The following NSG1 variants were observed in gnomAD, a reference collection of about 807,000 sequenced individuals.
The protein encoded by NSG1 is neuronal vesicle trafficking-associated protein 1.
In NSG1, 9 loss-of-function variants were observed where a neutral mutation model predicts 19.3. That is an observed-to-expected ratio of 0.47 (90% CI 0.28 to 0.81). The LOEUF is 0.81. Ranked by LOEUF, NSG1 falls within the 40% of genes least tolerant of loss-of-function variation. The pLI, the probability that NSG1 is intolerant of heterozygous loss-of-function variation, is 0.11. For missense variants in NSG1, 236 were observed against 242.4 expected, an observed-to-expected ratio of 0.97 and a Z score of 0.18; for synonymous variants, 104 against 107.0, an observed-to-expected ratio of 0.97 and a Z score of 0.17.
chr4:4,405,255 G>C (rs146388654), intron 3 of NSG1, among the ~76,000 whole-genome samples: 1 of 152,234 alleles, frequency 6.6e-6, no homozygotes, highest in Non-Finnish European at 1.5e-5. Context: ...CCCTATATGC[G>C]TGTCTGTCTA....
chr4:4,394,817 G>T, intron 3 of NSG1, among the ~76,000 whole-genome samples: 1 of 152,170 alleles, frequency 6.6e-6, no homozygotes, highest in East Asian at 1.9e-4. Context: ...TCTGCCCGTG[G>T]GTCCTTGCTT....
At chr4:4,409,020 CACTT>C (rs1240648791) in intron 3 of NSG1, among the ~76,000 whole-genome samples, 1 of 152,274 alleles carries the variant, frequency 6.6e-6, no homozygotes, top group Non-Finnish European at 1.5e-5. Context: ...TCCCTGAGGA[CACTT>C]AATTAACCAC....
In NSG1 at chr4:4,387,600, G is replaced by T; in HGVS notation, c.-26-4G>T. 2 of 1,344,472 alleles carry T rather than the reference G, an allele frequency of 1.5e-6. No individual in the cohort carries two copies. The highest frequency in any genetic ancestry group is 2.0e-6 in the Non-Finnish European group (2 of 1,010,492). The allele number at this position is 1,344,472 out of a possible 1,614,324, so 83.3% of individuals were successfully genotyped here. On this transcript the variant is annotated splice_region_variant and splice_polypyrimidine_tract_variant and intron_variant, in intron 1 of 4. Transcript: ENST00000621129. ...GGTGACTCCCCCCGGCCCTCCCGCC[G>T]CAGGCTGCAGCCTCGGAGCTCCCGG...
chr4:4,404,123 G>T (rs1723719202), intron 3 of NSG1, among the ~76,000 whole-genome samples: 1 of 152,212 alleles, frequency 6.6e-6, no homozygotes, highest in Admixed American at 6.5e-5. Flanking sequence ...ACTGCGAATG[G>T]CCGCCACCTC....
At chr4:4,406,671 TC>T (rs541640251) in intron 3 of NSG1, among the ~76,000 whole-genome samples, 9 of 151,246 alleles carry the variant, frequency 6.0e-5, no homozygotes, top group East Asian at 3.9e-4. Context: ...TCCGTCATGC[TC>T]CCCCCCAACC....
chr4:4,409,619 T>TA lies in NSG1; in HGVS notation c.293_294insA (p.Phe99LeufsTer11), dbSNP rs1467827623. ...GCCCTGGCCTTCCTCACCTGCGTCG[T>TA]CTTCCTGGTTGTCTACAAGGTGTAC... On this transcript the variant is annotated frameshift_variant, in exon 4 of 5. Coordinates refer to ENST00000621129, the MANE Select transcript of NSG1 (RefSeq NM_014392.5). LOFTEE classifies it high-confidence loss of function. 2 of 1,614,058 alleles carry TA rather than the reference T, an allele frequency of 1.2e-6. No individual in the cohort carries two copies. Among genetic ancestry groups the TA allele is most frequent in the African/African-American group, 2.7e-5 (2 of 74,922 alleles).
intron 4 of NSG1, among the ~76,000 whole-genome samples, chr4:4,414,360 T>A (rs1724398594): frequency 6.6e-6 from 1 of 151,604 alleles, no homozygotes; most frequent in South Asian, 2.1e-4. Context: ...GAATTGAGAG[T>A]CCCCTGATAA....
intron 3 of NSG1, among the ~76,000 whole-genome samples, chr4:4,394,993 C>T (rs1467757956): frequency 6.6e-6 from 1 of 152,242 alleles, no homozygotes; most frequent in Non-Finnish European, 1.5e-5. Context: ...AGGAGCTGGG[C>T]AGCCGGCTCT....
intron 3 of NSG1, among the ~76,000 whole-genome samples, chr4:4,402,371 A>ATTTTTTTTTTTTT (rs1161754574): frequency 7.4e-5 from 4 of 53,950 alleles, no homozygotes; most frequent in African/African-American, 1.8e-4. Flanking sequence ...ACGCCTGGTT[A>ATTTTTTTTTTTTT]TTTTTTTTTT....
intron 1 of NSG1, 43 bp from the exon 2 acceptor site, chr4:4,387,561 C>CCGGGGGTGGGTGG: frequency 5.3e-6 from 6 of 1,141,990 alleles, no homozygotes; most frequent in Non-Finnish European, 7.5e-6. Context: ...CGCCCCGCCC[C>CCGGGGGTGGGTGG]GGGTCTTGCT....
At chr4:4,403,245 C>T (rs574099264) in intron 3 of NSG1, among the ~76,000 whole-genome samples, 1 of 152,344 alleles carries the variant, frequency 6.6e-6, no homozygotes, top group Non-Finnish European at 1.5e-5. Context: ...CATGCCATGG[C>T]TGAAGACGGC....
chr4:4,417,186 C>T, intron 4 of NSG1, 49 bp from the exon 5 acceptor site: 1 of 1,530,944 alleles, frequency 6.5e-7, no homozygotes, highest in African/African-American at 1.4e-5. Flanking sequence ...GACACACTGG[C>T]ACCCCCTCTT....
intron 4 of NSG1, among the ~76,000 whole-genome samples, chr4:4,415,062 A>G (rs80332663): frequency 2.0e-5 from 3 of 151,960 alleles, no homozygotes. Flanking sequence ...TTCCCTTTAT[A>G]TTGGCCATTC....
At chr4:4,387,561 C>CCGGGGGGGGGT in intron 1 of NSG1, 43 bp from the exon 2 acceptor site, 2 of 1,141,990 alleles carry the variant, frequency 1.8e-6, no homozygotes, top group Non-Finnish European at 2.5e-6. Context: ...CGCCCCGCCC[C>CCGGGGGGGGGT]GGGTCTTGCT....
intron 3 of NSG1, among the ~76,000 whole-genome samples, chr4:4,407,100 G>A (rs1221873332): frequency 1.3e-5 from 2 of 152,220 alleles, no homozygotes; most frequent in Admixed American, 6.5e-5. Context: ...TCCTGTCTGT[G>A]TCCCTTGTCA....
At chr4:4,404,964 A>T (rs759003691) in intron 3 of NSG1, among the ~76,000 whole-genome samples, 2 of 152,058 alleles carry the variant, frequency 1.3e-5, no homozygotes, top group African/African-American at 4.8e-5. Flanking sequence ...GAGAACAAGT[A>T]TGGGGGAGGG....
At chr4:4,410,405 G>C (rs781706410) in intron 4 of NSG1, among the ~76,000 whole-genome samples, 3 of 152,212 alleles carry the variant, frequency 2.0e-5, no homozygotes, top group Admixed American at 6.5e-5. Context: ...CCTGAGAAAC[G>C]CGTTGTTAGG....
intron 3 of NSG1, among the ~76,000 whole-genome samples, chr4:4,397,102 T>C (rs965685029): frequency 1.3e-5 from 2 of 151,940 alleles, no homozygotes; most frequent in African/African-American, 2.4e-5. Context: ...TATTTAGTGC[T>C]GTAAACGCTT....
rs1387938109 is a variant in NSG1, at chr4:4,387,102, G to C, written c.-98G>C. 6.6e-6 allele frequency: 1 copy of C among 152,206 alleles called. No individual in the cohort carries two copies. The highest frequency in any genetic ancestry group is 1.5e-5 in the Non-Finnish European group (1 of 68,090). 9.4% of individuals were successfully genotyped at this position (152,206 alleles called of 1,614,324 possible). A position where few individuals can be genotyped will look rare whatever the true frequency, so the allele number is the denominator to read the frequency against. On this transcript the variant is annotated 5_prime_UTR_variant, in exon 1 of 5. Transcript: ENST00000621129. ...CGGGTCCGCGCGCGGCGCCGCCTCC[G>C]CCATTGCTGCGAGCAGGAGCAGGAG...
Sources: allele counts gnomAD v4.1 joint callset (sites outside exome capture counted in the v4.1 genomes callset), GRCh38; gene constraint gnomAD v4.1.1; transcripts MANE v1.5; gene names NCBI Gene and HGNC (gene_info 2026-07-23, HGNC 2026-07-21).